The following NR1D2 variants were observed in gnomAD, a reference collection of about 807,000 sequenced individuals.
NR1D2 encodes nuclear receptor subfamily 1 group D member 2, also known as V-erbA-related protein 1-related.
A neutral mutation model predicts 52.2 loss-of-function variants in NR1D2; 25 were observed. The ratio of observed to expected loss-of-function variants is 0.48; its 90% CI spans 0.35 to 0.67. The LOEUF (loss-of-function observed/expected upper bound fraction) is 0.67. Among genes scored for constraint, NR1D2 ranks in the 30% least tolerant of loss-of-function variants. The pLI is 0.01. For synonymous variants in NR1D2, 259 were observed against 230.1 expected (o/e 1.13, Z -1.14); for missense variants, 681 against 707.2 (o/e 0.96, Z 0.42).
At position 23,954,482 on chromosome 3, in the gene NR1D2, T is replaced by C. The variant is rs190109204; in HGVS notation, c.17-55T>C. The C allele has an allele frequency of 5.7e-4, 857 of 1,492,226 alleles. 5 individuals carry two copies. In the East Asian group the frequency reaches 0.014, roughly 25 times the overall value. The allele number at this position is 1,492,226 out of a possible 1,614,324, so 92.4% of individuals were successfully genotyped here. On this transcript the variant is annotated intron_variant, in intron 1 of 7. Transcript: ENST00000312521. The stretch of plus-strand genomic sequence containing the variant: ...GCTTTACTGTTGAGATTTGCAAAAA[T>C]AAAAAATACGTATTATCTTGTATCT...
intron 5 of NR1D2, among the ~76,000 whole-genome samples, 189 bp downstream of exon 5, chr3:23,962,794 C>T (rs1706318425): frequency 6.6e-6 from 1 of 152,150 alleles, no homozygotes; most frequent in Non-Finnish European, 1.5e-5. Flanking sequence ...CCTAATTTCA[C>T]ACCCAGCTAG....
At chr3:23,947,216 A>T (rs564933400) in intron 1 of NR1D2, among the ~76,000 whole-genome samples, 1 of 152,206 alleles carries the variant, frequency 6.6e-6, no homozygotes, top group African/African-American at 2.4e-5. Context: ...CATGAATTCT[A>T]ATAGCTTTAG....
chr3:23,964,786 A>G (rs868457443), intron 5 of NR1D2, 191 bp from the exon 6 acceptor site: 1 of 469,260 alleles, frequency 2.1e-6, no homozygotes, highest in Non-Finnish European at 3.7e-6. Flanking sequence ...ATTGCTATTT[A>G]TATTAGGTTG....
At chr3:23,945,622 G>T in intron 1 of NR1D2, 28 bp downstream of exon 1, 1 of 1,151,992 alleles carries the variant, frequency 8.7e-7, no homozygotes. Flanking sequence ...GCGGGTGGGG[G>T]ATGGCCGGAG....
In NR1D2 at chr3:23,962,351, C is replaced by G. The variant is rs141150782; in HGVS notation, c.892C>G (p.His298Asp). The change falls in exon 5 of 8, where the codon CAT becomes GAT. Residue 298 changes from histidine (H) to aspartate (D), a missense_variant. This residue lies in a region of NR1D2 where 475 missense variants were observed against 454.5 expected (regional missense o/e 1.05). Transcript: ENST00000312521. ...GAACATGGAGCAATATAATTTAAAT[C>G]ATGATCATTGCGGCAATGGGCTTAG... ...PKNMEQYNLN[H>D]DHCGNGLSSH... The G allele has an allele frequency of 1.4e-5, 23 of 1,614,026 alleles. No homozygotes were observed. In the African/African-American group the frequency reaches 2.8e-4, roughly 20 times the overall value.
At chr3:23,954,838 T>G (rs1168750343) in intron 2 of NR1D2, 35 bp downstream of exon 2, 3 of 1,600,940 alleles carry the variant, frequency 1.9e-6, no homozygotes, top group East Asian at 2.2e-5. Flanking sequence ...ATTGCTGCCA[T>G]TAATTGCAAA....
intron 6 of NR1D2, 39 bp from the exon 7 acceptor site, chr3:23,967,774 G>A: frequency 6.6e-7 from 1 of 1,503,852 alleles, no homozygotes; most frequent in Non-Finnish European, 9.2e-7. Flanking sequence ...TATTATTGCT[G>A]TTAGACTTCT....
intron 7 of NR1D2, among the ~76,000 whole-genome samples, chr3:23,976,740 T>G (rs2125300443): frequency 6.6e-6 from 1 of 152,284 alleles, no homozygotes; most frequent in Middle Eastern, 3.4e-3. Flanking sequence ...TTAGTAAGTC[T>G]AGGTCCACTT....
At chr3:23,951,368 A>T (rs1450599567) in intron 1 of NR1D2, among the ~76,000 whole-genome samples, 1 of 152,194 alleles carries the variant, frequency 6.6e-6, no homozygotes, top group Non-Finnish European at 1.5e-5. Flanking sequence ...TTAGTACTTA[A>T]GACACTATTT....
At chr3:23,955,651 C>T (rs1706062409) in intron 2 of NR1D2, among the ~76,000 whole-genome samples, 2 of 151,776 alleles carry the variant, frequency 1.3e-5, no homozygotes. Context: ...AACCCCATCT[C>T]TACTAAAAAT....
intron 7 of NR1D2, among the ~76,000 whole-genome samples, chr3:23,975,694 GT>G (rs1409316750): frequency 3.9e-5 from 6 of 152,080 alleles, no homozygotes; most frequent in African/African-American, 1.4e-4. Context: ...GGAGGCAGAG[GT>G]TGTAGTGAGC....
At chr3:23,960,576 C>G (rs1291807618) in intron 4 of NR1D2, among the ~76,000 whole-genome samples, 2 of 152,160 alleles carry the variant, frequency 1.3e-5, no homozygotes, top group African/African-American at 4.8e-5. Flanking sequence ...AAGTGATCCA[C>G]CTGCCTCGGC....
intron 7 of NR1D2, among the ~76,000 whole-genome samples, chr3:23,971,099 C>T (rs1290768002): frequency 1.3e-5 from 2 of 150,702 alleles, no homozygotes; most frequent in Non-Finnish European, 3.0e-5. Flanking sequence ...GCATAAATTA[C>T]TAGCTGTTTT....
intron 3 of NR1D2, among the ~76,000 whole-genome samples, chr3:23,959,151 C>T (rs1310396180): frequency 1.3e-5 from 2 of 151,720 alleles, no homozygotes; most frequent in African/African-American, 4.8e-5. Flanking sequence ...GCCTGTAGTC[C>T]CAGCTGTTTG....
chr3:23,963,006 T>C (rs958082650), intron 5 of NR1D2, among the ~76,000 whole-genome samples: 3 of 151,820 alleles, frequency 2.0e-5, no homozygotes, highest in African/African-American at 4.8e-5. Context: ...TTGATTTCTA[T>C]AGAAAGAGGT....
In NR1D2 at chr3:23,977,383, C is replaced by T; in HGVS notation, c.1704C>T (p.His568=). ...LPDLRSLNNM[H]SEELLAFKVH... Reference sequence around the variant, plus strand: ...ATCTTCGATCTTTAAACAACATGCACTCTGAGGAGCTCTTGGCCTTTAAAG... The same window carrying T: ...ATCTTCGATCTTTAAACAACATGCATTCTGAGGAGCTCTTGGCCTTTAAAG... Residue 568 remains histidine (H), a synonymous_variant, in exon 8 of 8, where the codon CAC becomes CAT. Coordinates refer to ENST00000312521, the MANE Select transcript of NR1D2 (RefSeq NM_005126.5). 1 of 1,608,992 alleles carries T rather than the reference C, an allele frequency of 6.2e-7. No individual in the cohort carries two copies. Among genetic ancestry groups the T allele is most frequent in the Non-Finnish European group, 8.5e-7 (1 of 1,178,122 alleles).
intron 3 of NR1D2, among the ~76,000 whole-genome samples, chr3:23,957,390 C>CTTTTTT (rs201651739): frequency 3.6e-5 from 4 of 110,560 alleles, no homozygotes; most frequent in African/African-American, 1.1e-4. Flanking sequence ...CTCTATATAT[C>CTTTTTT]TTTTTTTTTT....
At chr3:23,951,368 A>G (rs1450599567) in intron 1 of NR1D2, among the ~76,000 whole-genome samples, 1 of 152,194 alleles carries the variant, frequency 6.6e-6, no homozygotes, top group Non-Finnish European at 1.5e-5. Flanking sequence ...TTAGTACTTA[A>G]GACACTATTT....
At chr3:23,947,614 A>C (rs1034212463) in intron 1 of NR1D2, among the ~76,000 whole-genome samples, 2 of 152,218 alleles carry the variant, frequency 1.3e-5, no homozygotes, top group African/African-American at 4.8e-5. Flanking sequence ...GTAACCTTGC[A>C]GTCAACTAGG....
Sources: gnomAD v4.1 joint callset for allele counts (sites outside exome capture counted in the v4.1 genomes callset) on GRCh38, gnomAD v4.1.1 for gene constraint, gnomAD v4.1.1 regional missense constraint, MANE v1.5 for transcripts, NCBI Gene and HGNC (gene_info 2026-07-23, HGNC 2026-07-21) for gene names.